Variants in CHD2 observed in about 807,000 individuals in gnomAD.
The protein encoded by CHD2 is chromodomain helicase DNA binding protein 2.
In CHD2, 28 loss-of-function variants were observed where a neutral mutation model predicts 243.9. That is an observed-to-expected ratio of 0.11 (90% confidence interval 0.09 to 0.16). The LOEUF (loss-of-function observed/expected upper bound fraction) is 0.16. Among genes scored for constraint, CHD2 ranks in the 10% least tolerant of loss-of-function variants. CHD2 has a pLI of 1.00. For synonymous variants in CHD2, 775 were observed against 779.0 expected, an observed-to-expected ratio of 0.99 and a Z score of 0.09; for missense variants, 1,386 against 2,209.8, an observed-to-expected ratio of 0.63 and a Z score of 7.47.
intron 38 of CHD2, 181 bp downstream of exon 38, chr15:93,020,439 T>TATTTCAC (rs2054520573): frequency 1.4e-6 from 1 of 719,806 alleles, no homozygotes; most frequent in African/African-American, 1.8e-5. Flanking sequence ...TTGTGGGTCA[T>TATTTCAC]AGGGAGCACA....
chr15:92,923,214 T>C (rs1567126319), intron 2 of CHD2, among the ~76,000 whole-genome samples: 1 of 152,214 alleles, frequency 6.6e-6, no homozygotes, highest in Non-Finnish European at 1.5e-5. Context: ...GATTGGATAA[T>C]TGCAACCAGT....
chr15:92,953,087 GA>G (rs936219777), intron 13 of CHD2, among the ~76,000 whole-genome samples: 2 of 152,230 alleles, frequency 1.3e-5, no homozygotes, highest in Non-Finnish European at 2.9e-5. Context: ...AAGGTGATGT[GA>G]AAAGCCTAAA....
chr15:92,999,919 G>T (rs938931670), intron 31 of CHD2, among the ~76,000 whole-genome samples: 1 of 151,918 alleles, frequency 6.6e-6, no homozygotes, highest in Non-Finnish European at 1.5e-5. Flanking sequence ...AAAAAATTGT[G>T]TCTTTAGGAT....
At chr15:93,023,189 C>A (rs773590752) in intron 38 of CHD2, among the ~76,000 whole-genome samples, 4 of 152,178 alleles carry the variant, frequency 2.6e-5, no homozygotes, top group Non-Finnish European at 5.9e-5. Context: ...CCATTATTCC[C>A]TCTCCCCAGC....
chr15:92,954,491 T>C (rs1289738195), intron 14 of CHD2, among the ~76,000 whole-genome samples: 11 of 152,258 alleles, frequency 7.2e-5, no homozygotes. Context: ...AATTTATTTT[T>C]GGTAAATACT....
intron 15 of CHD2, among the ~76,000 whole-genome samples, chr15:92,955,819 G>T (rs902201379): frequency 1.3e-5 from 2 of 152,168 alleles, no homozygotes; most frequent in Non-Finnish European, 2.9e-5. Context: ...GAATGAAAGG[G>T]TATTGAATAG....
At chr15:92,968,355 C>G (rs1219202175) in intron 17 of CHD2, among the ~76,000 whole-genome samples, 2 of 152,096 alleles carry the variant, frequency 1.3e-5, no homozygotes, top group African/African-American at 4.8e-5. Flanking sequence ...GACTCCATCT[C>G]TATAAAAATA....
chr15:92,948,853 G>C, intron 12 of CHD2, 99 bp from the exon 13 acceptor site: 2 of 1,381,188 alleles, frequency 1.4e-6, no homozygotes, highest in Non-Finnish European at 2.0e-6. Flanking sequence ...AAAGAAATTT[G>C]AGTTTTTATG....
At chr15:92,924,673 G>T in intron 3 of CHD2, 121 bp downstream of exon 3, 1 of 745,836 alleles carries the variant, frequency 1.3e-6, no homozygotes, top group Admixed American at 2.2e-5. Flanking sequence ...ATTTTTTCTA[G>T]TAATATACAG....
intron 38 of CHD2, chr15:93,021,871 A>G (rs995026854): frequency 6.6e-6 from 1 of 152,126 alleles, no homozygotes; most frequent in African/African-American, 2.4e-5. Flanking sequence ...GTGCCTAGTA[A>G]TTTTTGTCAG....
In CHD2 at chr15:93,024,958, A is replaced by G. The variant is rs2087605418; in HGVS notation, c.*253A>G. 1 of 460,642 alleles carries G rather than the reference A, an allele frequency of 2.2e-6. No individual in the cohort carries two copies. Among genetic ancestry groups the G allele is most frequent in the East Asian group, 3.8e-5 (1 of 25,978 alleles). 28.5% of individuals were successfully genotyped at this position (460,642 alleles called of 1,614,324 possible). ...GTTCTGGCCTCCCACTTTGACGGGCACTTGGAGGAGGAGCTGACTGTGTGT... is the reference window on the plus strand; with the variant it reads ...GTTCTGGCCTCCCACTTTGACGGGCGCTTGGAGGAGGAGCTGACTGTGTGT... On this transcript the variant is annotated 3_prime_UTR_variant, in exon 39 of 39. Coordinates refer to ENST00000394196, the MANE Select transcript of CHD2 (RefSeq NM_001271.4).
At chr15:92,904,454 C>T (rs1469192965) in intron 2 of CHD2, 1 of 988,712 alleles carries the variant, frequency 1.0e-6, no homozygotes, top group East Asian at 1.1e-4. Flanking sequence ...ATGTCGGGCG[C>T]TTTCTCCTCC....
intron 17 of CHD2, among the ~76,000 whole-genome samples, chr15:92,970,962 C>G (rs1400611208): frequency 6.6e-6 from 1 of 152,154 alleles, no homozygotes; most frequent in East Asian, 1.9e-4. Flanking sequence ...ATCTGTATTT[C>G]TCCTCCAAAT....
intron 16 of CHD2, 123 bp from the exon 17 acceptor site, chr15:92,967,202 T>G: frequency 1.5e-6 from 1 of 656,232 alleles, no homozygotes; most frequent in Non-Finnish European, 2.5e-6. Flanking sequence ...TTCCCTTCTA[T>G]TTAAGAGCTC....
chr15:92,911,463 T>C (rs1257229906), intron 2 of CHD2, among the ~76,000 whole-genome samples: 1 of 152,088 alleles, frequency 6.6e-6, no homozygotes, highest in East Asian at 1.9e-4. Context: ...CTTAGCCGGG[T>C]GTAGTGGTTG....
intron 16 of CHD2, among the ~76,000 whole-genome samples, chr15:92,958,167 T>C (rs191083951): frequency 2.0e-5 from 3 of 152,336 alleles, no homozygotes; most frequent in Admixed American, 2.0e-4. Context: ...TGTTTAACAT[T>C]TTAGAAACTA....
At chr15:92,954,926 A>G (rs1286313491) in intron 14 of CHD2, among the ~76,000 whole-genome samples, 1 of 152,216 alleles carries the variant, frequency 6.6e-6, no homozygotes, top group African/African-American at 2.4e-5. Flanking sequence ...TGACGTTATT[A>G]TACGTATTGC....
chr15:92,952,637 A>G (rs1038717007), intron 13 of CHD2, among the ~76,000 whole-genome samples: 7 of 152,298 alleles, frequency 4.6e-5, no homozygotes, highest in African/African-American at 1.4e-4. Flanking sequence ...AATGCCAGCA[A>G]TGGGGAGCGG....
intron 24 of CHD2, among the ~76,000 whole-genome samples, 176 bp downstream of exon 24, chr15:92,981,633 G>A (rs996562030): frequency 2.6e-5 from 4 of 152,174 alleles, no homozygotes; most frequent in African/African-American, 2.4e-5. Flanking sequence ...TCTACAGTCC[G>A]CACGAAGGTA....
Sources: allele counts gnomAD v4.1 joint callset (sites outside exome capture counted in the v4.1 genomes callset), GRCh38; gene constraint gnomAD v4.1.1; transcripts MANE v1.5; gene names NCBI Gene and HGNC (gene_info 2026-07-23, HGNC 2026-07-21).